The following MACROD2 variants were observed in gnomAD, a reference collection of about 807,000 sequenced individuals.
The protein encoded by MACROD2 is ADP-ribose glycohydrolase MACROD2.
In MACROD2, 36 loss-of-function variants were observed where a neutral mutation model predicts 70.4. The ratio of observed to expected loss-of-function variants is 0.51; its 90% CI spans 0.39 to 0.68. The LOEUF (loss-of-function observed/expected upper bound fraction) is 0.68, where lower values mean the gene tolerates loss of function less well. Among genes scored for constraint, MACROD2 ranks in the 30% least tolerant of loss-of-function variants. The pLI is 0.00. For synonymous variants in MACROD2, 172 were observed against 178.8 expected, an observed-to-expected ratio of 0.96 and a Z score of 0.30; for missense variants, 496 against 538.4, an observed-to-expected ratio of 0.92 and a Z score of 0.78.
chr20:14,559,620 C>T (rs1390781214), intron 4 of MACROD2, among the ~76,000 whole-genome samples: 1 of 151,808 alleles, frequency 6.6e-6, no homozygotes, highest in African/African-American at 2.4e-5. Context: ...GTTTTTATAA[C>T]TTACTGATAC....
At chr20:15,198,760 A>G (rs1733822467) in intron 5 of MACROD2, among the ~76,000 whole-genome samples, 1 of 152,128 alleles carries the variant, frequency 6.6e-6, no homozygotes, top group African/African-American at 2.4e-5. Context: ...CACAATTTAC[A>G]TTTACAAAGT....
chr20:15,105,401 A>G (rs1006101095), intron 5 of MACROD2, among the ~76,000 whole-genome samples: 2 of 152,150 alleles, frequency 1.3e-5, no homozygotes, highest in South Asian at 2.1e-4. Flanking sequence ...GAAAAGGGGA[A>G]TAAAGTGCTC....
intron 6 of MACROD2, among the ~76,000 whole-genome samples, chr20:15,285,143 A>G (rs1338419006): frequency 6.6e-6 from 1 of 152,194 alleles, no homozygotes; most frequent in Non-Finnish European, 1.5e-5. Flanking sequence ...GTCCTGCCCA[A>G]TGATAATTTC....
intron 5 of MACROD2, among the ~76,000 whole-genome samples, chr20:14,759,824 A>G (rs896510101): frequency 1.3e-5 from 2 of 152,074 alleles, no homozygotes; most frequent in Non-Finnish European, 2.9e-5. Context: ...ATTTCACTCC[A>G]CTGTATATTA....
At chr20:14,310,123 A>G (rs1326552947) in intron 3 of MACROD2, among the ~76,000 whole-genome samples, 1 of 152,164 alleles carries the variant, frequency 6.6e-6, no homozygotes, top group Non-Finnish European at 1.5e-5. Context: ...TGTTTCTAAA[A>G]ACTAATGTTC....
chr20:14,739,941 G>T (rs1166332912), intron 5 of MACROD2, among the ~76,000 whole-genome samples: 1 of 152,046 alleles, frequency 6.6e-6, no homozygotes, highest in Non-Finnish European at 1.5e-5. Context: ...AGTATGTAAA[G>T]TAGGAATCTA....
intron 8 of MACROD2, among the ~76,000 whole-genome samples, chr20:15,737,721 G>A (rs576104030): frequency 4.6e-5 from 7 of 152,248 alleles, no homozygotes; most frequent in African/African-American, 1.2e-4. Context: ...AATTTGCCTC[G>A]ACAACCATTG....
At chr20:14,603,600 A>G (rs1441949907) in intron 4 of MACROD2, among the ~76,000 whole-genome samples, 6 of 152,194 alleles carry the variant, frequency 3.9e-5, no homozygotes, top group Non-Finnish European at 8.8e-5. Context: ...AAAATGGGTA[A>G]TGATTAACTT....
chr20:14,397,994 C>T (rs2083598421), intron 3 of MACROD2, among the ~76,000 whole-genome samples: 1 of 152,104 alleles, frequency 6.6e-6, no homozygotes, highest in Non-Finnish European at 1.5e-5. Context: ...TGTTACCTTT[C>T]TGTGCCTGAG....
At chr20:15,208,214 G>T (rs1299899579) in intron 5 of MACROD2, among the ~76,000 whole-genome samples, 2 of 152,048 alleles carry the variant, frequency 1.3e-5, no homozygotes, top group African/African-American at 2.4e-5. Context: ...ATTGAGTCCA[G>T]CCACTGAGTT....
chr20:14,476,653 G>A (rs73901257), intron 3 of MACROD2, among the ~76,000 whole-genome samples: 112 of 152,276 alleles, frequency 7.4e-4, no homozygotes, highest in African/African-American at 2.1e-3. Context: ...CACCATGCCC[G>A]GCGTATTACC....
chr20:14,203,749 C>T (rs532077001), intron 3 of MACROD2, among the ~76,000 whole-genome samples: 1 of 152,304 alleles, frequency 6.6e-6, no homozygotes, highest in African/African-American at 2.4e-5. Context: ...GCCAGGTGGG[C>T]TGGTCCTTAG....
At chr20:14,691,577 CCAGTGGTGTTAGCTG>C (rs1239290128) in intron 5 of MACROD2, among the ~76,000 whole-genome samples, 1 of 152,146 alleles carries the variant, frequency 6.6e-6, no homozygotes, top group Non-Finnish European at 1.5e-5. Flanking sequence ...CTTGTTTCCT[CCAGTGGTGTTAGCTG>C]CAAAGGAGCC....
intron 6 of MACROD2, among the ~76,000 whole-genome samples, chr20:15,404,126 T>C (rs188072546): frequency 6.6e-6 from 1 of 152,324 alleles, no homozygotes; most frequent in East Asian, 1.9e-4. Flanking sequence ...AGTACATAGA[T>C]GGGCTGTAGA....
chr20:15,149,410 T>G (rs926811163), intron 5 of MACROD2, among the ~76,000 whole-genome samples: 3 of 151,614 alleles, frequency 2.0e-5, no homozygotes, highest in Non-Finnish European at 4.4e-5. Flanking sequence ...GAAGGAAATG[T>G]GGGGAAATGG....
intron 3 of MACROD2, among the ~76,000 whole-genome samples, chr20:14,422,763 T>C (rs1466856467): frequency 2.0e-5 from 3 of 152,244 alleles, no homozygotes; most frequent in Non-Finnish European, 4.4e-5. Flanking sequence ...TGCATTTGTC[T>C]TTTAAATAAT....
chr20:14,791,837 T>C (rs980076757), intron 5 of MACROD2, among the ~76,000 whole-genome samples: 1 of 151,808 alleles, frequency 6.6e-6, no homozygotes, highest in Non-Finnish European at 1.5e-5. Flanking sequence ...CATGCATTTA[T>C]ATTATATATA....
At chr20:14,052,801 A>G (rs913915078) in intron 2 of MACROD2, among the ~76,000 whole-genome samples, 5 of 152,088 alleles carry the variant, frequency 3.3e-5, no homozygotes, top group Non-Finnish European at 7.4e-5. Context: ...TGTATTGCTG[A>G]TAATTCATAA....
At chr20:15,066,882 G>GAAA (rs753955005) in intron 5 of MACROD2, among the ~76,000 whole-genome samples, 1 of 105,924 alleles carries the variant, frequency 9.4e-6, no homozygotes. Flanking sequence ...ACTCTGTCTC[G>GAAA]AAAAAAAAAA....
Sources: gnomAD v4.1 joint callset for allele counts (sites outside exome capture counted in the v4.1 genomes callset) on GRCh38, gnomAD v4.1.1 for gene constraint, MANE v1.5 for transcripts, NCBI Gene and HGNC (gene_info 2026-07-23, HGNC 2026-07-21) for gene names.